NOVA1: variants seen among roughly 807,000 people sequenced by gnomAD.
NOVA1 encodes the protein NOVA alternative splicing regulator 1.
A neutral mutation model predicts 38.0 loss-of-function variants in NOVA1; 7 were observed. That is an observed-to-expected ratio of 0.18 (90% CI 0.10 to 0.35). The LOEUF is 0.35. NOVA1 is among the 10% of genes least tolerant of loss of function. The pLI, the probability that NOVA1 is intolerant of heterozygous loss-of-function variation, is 1.00. For synonymous variants in NOVA1, 270 were observed against 232.5 expected, an observed-to-expected ratio of 1.16 and a Z score of -1.47; for missense variants, 460 against 616.0, an observed-to-expected ratio of 0.75 and a Z score of 2.68.
chr14:26,563,736 G>A (rs1891964876), intron 2 of NOVA1, among the ~76,000 whole-genome samples: 1 of 151,740 alleles, frequency 6.6e-6, no homozygotes, highest in Admixed American at 6.6e-5. Context: ...ATAAAACAAA[G>A]GATTAAAAAA....
intron 2 of NOVA1, among the ~76,000 whole-genome samples, chr14:26,506,483 T>A (rs1484124709): frequency 6.6e-6 from 1 of 152,216 alleles, no homozygotes; most frequent in Non-Finnish European, 1.5e-5. Flanking sequence ...AAAATCATAG[T>A]CTTCTTCTTT....
At position 26,572,329 on chromosome 14, in the gene NOVA1, G is replaced by C. The variant is rs191544569; in HGVS notation, c.280+23081C>G. Among the ~76,000 whole-genome samples the C allele has an allele frequency of 2.2e-3, 331 of 152,276 alleles. 1 individual carries two copies. The highest frequency in any genetic ancestry group is 7.1e-3 in the African/African-American group (297 of 41,548). ...AGATCAAAATTAACCAATTTTTCCA[G>C]TTTGGATAACTTGAAAATCACTGGT... On this transcript the variant is annotated intron_variant, in intron 2 of 4. Coordinates refer to ENST00000539517, the MANE Select transcript of NOVA1 (RefSeq NM_002515.3).
At chr14:26,546,197 T>C (rs897720845) in intron 2 of NOVA1, among the ~76,000 whole-genome samples, 1 of 152,070 alleles carries the variant, frequency 6.6e-6, no homozygotes, top group Non-Finnish European at 1.5e-5. Context: ...ATATTTTGGA[T>C]AATAAGAAAT....
At chr14:26,531,436 C>T (rs900366972) in intron 2 of NOVA1, among the ~76,000 whole-genome samples, 10 of 152,068 alleles carry the variant, frequency 6.6e-5, no homozygotes, top group Non-Finnish European at 1.0e-4. Flanking sequence ...GAACAAACCC[C>T]GTCTCTACTA....
intron 2 of NOVA1, among the ~76,000 whole-genome samples, chr14:26,523,514 C>T (rs73601914): frequency 0.058 from 8,778 of 152,196 alleles, 733 homozygotes; most frequent in African/African-American, 0.18. Flanking sequence ...ATTGCCGAGA[C>T]ATTACAGTGT....
At chr14:26,451,202 GT>G (rs1566429835) in intron 4 of NOVA1, among the ~76,000 whole-genome samples, 3 of 151,892 alleles carry the variant, frequency 2.0e-5, no homozygotes, top group Admixed American at 1.3e-4. Flanking sequence ...CATTATATAT[GT>G]TTTTTCACAG....
intron 2 of NOVA1, among the ~76,000 whole-genome samples, chr14:26,586,068 T>A (rs1893496601): frequency 2.0e-5 from 3 of 151,474 alleles, no homozygotes; most frequent in Middle Eastern, 6.8e-3. Context: ...CGCTGTATGT[T>A]AAACACACAG....
intron 2 of NOVA1, among the ~76,000 whole-genome samples, chr14:26,508,587 G>A (rs178185): frequency 1.3e-5 from 2 of 151,864 alleles, no homozygotes; most frequent in African/African-American, 4.8e-5. Context: ...CCATTTATCC[G>A]CATACACTTA....
intron 3 of NOVA1, among the ~76,000 whole-genome samples, chr14:26,475,980 A>T (rs1351998545): frequency 6.6e-6 from 1 of 152,154 alleles, no homozygotes; most frequent in African/African-American, 2.4e-5. Context: ...ACGAACAACA[A>T]ATCTCAATTG....
intron 2 of NOVA1, among the ~76,000 whole-genome samples, chr14:26,576,142 T>G (rs900335612): frequency 6.6e-6 from 1 of 152,038 alleles, no homozygotes; most frequent in Non-Finnish European, 1.5e-5. Context: ...TATATACTTA[T>G]CATCTACAAT....
At chr14:26,467,588 G>A (rs1025000020) in intron 4 of NOVA1, among the ~76,000 whole-genome samples, 2 of 152,156 alleles carry the variant, frequency 1.3e-5, no homozygotes, top group Admixed American at 1.3e-4. Context: ...GCACACTGAT[G>A]GGAATGATTC....
At chr14:26,566,684 CAT>C (rs1226435164) in intron 2 of NOVA1, among the ~76,000 whole-genome samples, 1 of 152,008 alleles carries the variant, frequency 6.6e-6, no homozygotes, top group Admixed American at 6.6e-5. Context: ...AGTAAAATAA[CAT>C]GTGCTAAGAA....
intron 3 of NOVA1, among the ~76,000 whole-genome samples, chr14:26,474,013 T>G (rs1884791187): frequency 1.3e-5 from 2 of 152,052 alleles, no homozygotes; most frequent in South Asian, 4.1e-4. Context: ...CATATGCTAA[T>G]GACTCCATGC....
chr14:26,469,277 T>C (rs940167201), intron 4 of NOVA1, among the ~76,000 whole-genome samples: 18 of 152,110 alleles, frequency 1.2e-4, no homozygotes, highest in African/African-American at 4.1e-4. Flanking sequence ...AGTAACTGAG[T>C]ATTCTTACTA....
At chr14:26,576,938 T>C (rs1225507634) in intron 2 of NOVA1, among the ~76,000 whole-genome samples, 1 of 151,978 alleles carries the variant, frequency 6.6e-6, no homozygotes, top group Non-Finnish European at 1.5e-5. Context: ...TATCCTCATA[T>C]TGTACATTAG....
chr14:26,511,410 G>A (rs777786408), intron 2 of NOVA1, among the ~76,000 whole-genome samples: 22 of 151,918 alleles, frequency 1.4e-4, no homozygotes, highest in Non-Finnish European at 2.1e-4. Context: ...TCATTATATC[G>A]TTAAACACTC....
At chr14:26,551,916 A>G (rs1594519975) in intron 2 of NOVA1, among the ~76,000 whole-genome samples, 1 of 152,076 alleles carries the variant, frequency 6.6e-6, no homozygotes, top group African/African-American at 2.4e-5. Flanking sequence ...ACAATATTAC[A>G]AAACAGTATT....
chr14:26,464,393 G>GA (rs1304658349), intron 4 of NOVA1, among the ~76,000 whole-genome samples: 2 of 152,208 alleles, frequency 1.3e-5, no homozygotes, highest in Non-Finnish European at 2.9e-5. Flanking sequence ...AGGAGCAACA[G>GA]GTTGTGTATT....
chr14:26,574,167 A>G (rs976729020), intron 2 of NOVA1, among the ~76,000 whole-genome samples: 15 of 150,718 alleles, frequency 1.0e-4, no homozygotes, highest in Admixed American at 9.9e-4. Flanking sequence ...CTGGGATTAC[A>G]GGCACCTGTT....
Sources: gnomAD v4.1 joint callset for allele counts (sites outside exome capture counted in the v4.1 genomes callset) on GRCh38, gnomAD v4.1.1 for gene constraint, MANE v1.5 for transcripts, NCBI Gene and HGNC (gene_info 2026-07-23, HGNC 2026-07-21) for gene names.